Variants in TAF4B observed in about 807,000 individuals in gnomAD.
The protein encoded by TAF4B is TATA-box binding protein associated factor 4b.
In TAF4B, 38 loss-of-function variants were observed where a neutral mutation model predicts 86.4. The observed-to-expected ratio is 0.44, with a 90% CI of 0.34 to 0.58. TAF4B has a LOEUF of 0.58. TAF4B is among the 20% of genes least tolerant of loss of function. The pLI is 0.02. For missense variants in TAF4B, 988 were observed against 1,027.6 expected (o/e 0.96, Z 0.53); for synonymous variants, 388 against 391.2 (o/e 0.99, Z 0.10).
chr18:26,274,741 A>G lies in TAF4B; in HGVS notation c.676A>G (p.Ser226Gly). The G allele has an allele frequency of 6.2e-7, 1 of 1,614,176 alleles. No individual in the cohort carries two copies. The highest frequency in any genetic ancestry group is 1.1e-5 in the South Asian group (1 of 91,088). ...LNTVTTLKPS[S>G]LGASSTPSNE... is the part of the protein sequence containing the mutation. ...TACTGTAACTACCCTGAAGCCTTCA[A>G]GTTTGGGAGCATCATCCACTCCTTC... The change falls in exon 4 of 15, where the codon AGT becomes GGT. Residue 226 changes from serine (S) to glycine (G), a missense_variant. Transcript: ENST00000269142.
intron 1 of TAF4B, among the ~76,000 whole-genome samples, chr18:26,249,586 C>T (rs2055974235): frequency 6.6e-6 from 1 of 152,014 alleles, no homozygotes; most frequent in Admixed American, 6.5e-5. Context: ...AGCTTTTTGT[C>T]TCTTTGGAAA....
intron 1 of TAF4B, among the ~76,000 whole-genome samples, chr18:26,244,166 C>T (rs2055885695): frequency 2.0e-5 from 3 of 152,224 alleles, no homozygotes; most frequent in African/African-American, 7.2e-5. Context: ...TTATGCCCTG[C>T]CCCCAGAGGT....
chr18:26,244,481 T>A (rs565176542), intron 1 of TAF4B, among the ~76,000 whole-genome samples: 1 of 152,176 alleles, frequency 6.6e-6, no homozygotes, highest in Non-Finnish European at 1.5e-5. Flanking sequence ...TGTCACGGCT[T>A]CCCTTGGCTA....
intron 14 of TAF4B, among the ~76,000 whole-genome samples, chr18:26,373,383 T>C (rs557519953): frequency 3.9e-5 from 6 of 152,306 alleles, no homozygotes; most frequent in East Asian, 1.9e-4. Context: ...TTTCCTGTTA[T>C]TGTCACTCAT....
rs551995282 is a variant in TAF4B, at chr18:26,290,561, A to T, written c.1591-1685A>T. ...GCAGTATTTTTTGTGTACTGTTGCT[A>T]TGGCCTTTGTGCAAGGTTGTGGTTT... On this transcript the variant is annotated intron_variant, in intron 7 of 14. Transcript: ENST00000269142. Among the ~76,000 whole-genome samples the T allele has an allele frequency of 2.6e-5, 4 of 152,236 alleles. No individual in the cohort carries two copies. In the South Asian group the frequency reaches 8.3e-4, roughly 32 times the overall value.
At chr18:26,321,362 CAAAT>C (rs1299260563) in intron 11 of TAF4B, among the ~76,000 whole-genome samples, 162 bp downstream of exon 11, 2 of 152,074 alleles carry the variant, frequency 1.3e-5, no homozygotes, top group African/African-American at 2.4e-5. Context: ...GCTTACATGA[CAAAT>C]AAAATTAAAA....
chr18:26,279,545 C>CAAA (rs375937630), intron 5 of TAF4B, among the ~76,000 whole-genome samples: 19 of 113,504 alleles, frequency 1.7e-4, no homozygotes, highest in Middle Eastern at 5.1e-3. Context: ...CAATTAGAAG[C>CAAA]AAAAAAAAAA....
At chr18:26,276,000 A>G (rs1167314514) in intron 5 of TAF4B, among the ~76,000 whole-genome samples, 2 of 147,670 alleles carry the variant, frequency 1.4e-5, no homozygotes, top group Non-Finnish European at 3.0e-5. Flanking sequence ...CGGGCAACAG[A>G]GCAAGACTCT....
At chr18:26,274,531 T>C (rs2056359243) in intron 3 of TAF4B, 132 bp from the exon 4 acceptor site, 18 of 921,084 alleles carry the variant, frequency 2.0e-5, no homozygotes, top group Non-Finnish European at 2.8e-5. Flanking sequence ...CTGTATTATA[T>C]TGCCTTAGAC....
chr18:26,233,039 G>A (rs2055695659), intron 1 of TAF4B, among the ~76,000 whole-genome samples: 3 of 152,196 alleles, frequency 2.0e-5, no homozygotes, highest in Non-Finnish European at 2.9e-5. Context: ...TAAGGTGCAG[G>A]TGCCTGTCTA....
intron 1 of TAF4B, among the ~76,000 whole-genome samples, chr18:26,236,656 G>A (rs988216022): frequency 6.6e-6 from 1 of 152,072 alleles, no homozygotes; most frequent in Non-Finnish European, 1.5e-5. Flanking sequence ...CCGGGTTATT[G>A]CCCTGCTCCA....
chr18:26,330,554 G>T (rs995775826), intron 12 of TAF4B, among the ~76,000 whole-genome samples: 2 of 152,142 alleles, frequency 1.3e-5, no homozygotes, highest in Non-Finnish European at 2.9e-5. Context: ...TGCTAAAAGG[G>T]TGTCATTACA....
In TAF4B at chr18:26,329,485, C is replaced by G. The variant is rs545795134; in HGVS notation, c.2259+2345C>G. ...TTCTGATTTCACTAGATGGCTTAAC[C>G]ATGTCTCTCTTTCATGGTCCATTTT... On this transcript the variant is annotated intron_variant, in intron 12 of 14. Transcript: ENST00000269142. 2.0e-5 allele frequency among the ~76,000 whole-genome samples: 3 copies of G among 152,324 alleles called. No homozygotes were observed. The East Asian group carries it at 5.8e-4, about 29-fold the overall frequency.
chr18:26,321,924 A>T (rs2056966676), intron 11 of TAF4B, among the ~76,000 whole-genome samples: 1 of 152,188 alleles, frequency 6.6e-6, no homozygotes, highest in Admixed American at 6.5e-5. Context: ...AAAAAACTAA[A>T]TACAGGAATA....
intron 14 of TAF4B, among the ~76,000 whole-genome samples, chr18:26,379,518 A>T (rs977294054): frequency 6.6e-6 from 1 of 152,108 alleles, no homozygotes; most frequent in Admixed American, 6.5e-5. Flanking sequence ...ATATGTGGAC[A>T]TATCTATACA....
chr18:26,241,183 G>A (rs902371256), intron 1 of TAF4B, among the ~76,000 whole-genome samples: 2 of 152,130 alleles, frequency 1.3e-5, no homozygotes, highest in Non-Finnish European at 2.9e-5. Flanking sequence ...TTGTACCTCT[G>A]GTAGAATTCG....
chr18:26,306,212 T>C (rs1288172664), intron 9 of TAF4B, among the ~76,000 whole-genome samples: 2 of 152,228 alleles, frequency 1.3e-5, no homozygotes, highest in East Asian at 3.8e-4. Flanking sequence ...TACATAGGCG[T>C]ATATTTATGG....
chr18:26,231,674 G>A (rs2055672593), intron 1 of TAF4B, among the ~76,000 whole-genome samples: 1 of 152,072 alleles, frequency 6.6e-6, no homozygotes, highest in African/African-American at 2.4e-5. Context: ...TTAAGTATTA[G>A]TGTGTCCAGA....
intron 10 of TAF4B, among the ~76,000 whole-genome samples, chr18:26,320,170 A>G (rs1445340979): frequency 2.0e-5 from 3 of 152,252 alleles, no homozygotes; most frequent in Admixed American, 2.0e-4. Context: ...ATATAAAATC[A>G]AACTATAATA....
Sources: allele counts gnomAD v4.1 joint callset (sites outside exome capture counted in the v4.1 genomes callset), GRCh38; gene constraint gnomAD v4.1.1; transcripts MANE v1.5; gene names NCBI Gene and HGNC (gene_info 2026-07-23, HGNC 2026-07-21).